The following DLL1 variants were observed in gnomAD, a reference collection of about 807,000 sequenced individuals.
DLL1 encodes the protein delta like canonical Notch ligand 1, also known as delta-like protein 1.
In DLL1, 9 loss-of-function variants were observed where a neutral mutation model predicts 75.1. The ratio of observed to expected loss-of-function variants is 0.12; its 90% CI spans 0.07 to 0.21. DLL1 has a LOEUF of 0.21. Among genes scored for constraint, DLL1 ranks in the 10% least tolerant of loss-of-function variants. The probability of loss-of-function intolerance (pLI) is 1.00; values close to 1 mark genes in which losing one functional copy is unlikely to be tolerated. For synonymous variants in DLL1, 477 were observed against 418.3 expected, an observed-to-expected ratio of 1.14 and a Z score of -1.71; for missense variants, 837 against 1,007.6, an observed-to-expected ratio of 0.83 and a Z score of 2.29.
In DLL1 at chr6:170,285,056, G is replaced by T; in HGVS notation, c.1112C>A (p.Ala371Glu). Reference sequence around the variant, plus strand: ...ACCCCCGTTAAAGCAAGGGCCGTCCGCACAGGTCATGGCACTCAATTCACA... The same window carrying T: ...ACCCCCGTTAAAGCAAGGGCCGTCCTCACAGGTCATGGCACTCAATTCACA... ...KICELSAMTCADGPCFNGGRC... is the reference protein window; with the variant it reads ...KICELSAMTCEDGPCFNGGRC... The change falls in exon 8 of 11, where the codon GCG becomes GAG. Residue 371 changes from alanine (A) to glutamate (E), a missense_variant. By Grantham distance (107) the Ala-to-Glu change is moderately radical (BLOSUM62 -1). Around this residue, in one of 2 missense-constraint regions of DLL1, gnomAD observed 533 missense variants for 545.7 expected, o/e 0.98. Coordinates refer to ENST00000366756, the MANE Select transcript of DLL1 (RefSeq NM_005618.4). 6.2e-7 allele frequency: 1 copy of T among 1,614,120 alleles called. No homozygotes were observed. The highest frequency in any genetic ancestry group is 8.5e-7 in the Non-Finnish European group (1 of 1,180,028).
In DLL1 at chr6:170,282,875, T is replaced by G; in HGVS notation, c.2171A>C (p.Ter724SerextTer14). Residue 724 changes from the stop codon to serine (S), a stop_lost, in exon 11 of 11, where the codon TAA (stop) becomes TCA (serine). Transcript: ENST00000366756. ...KDECVIATEV[*>S] Reference sequence around the variant, plus strand: ...GAGTCTTGCCATCTCACTTCCATTTTACACCTGGGGGGCCACAAGACAAAT... The same window carrying G: ...GAGTCTTGCCATCTCACTTCCATTTGACACCTGGGGGGCCACAAGACAAAT... 1 of 1,614,202 alleles carries G rather than the reference T, an allele frequency of 6.2e-7. No homozygotes were observed. Among genetic ancestry groups the G allele is most frequent in the Non-Finnish European group, 8.5e-7 (1 of 1,180,046 alleles).
chr6:170,284,896 G>A, intron 8 of DLL1, 23 bp downstream of exon 8: 1 of 1,611,378 alleles, frequency 6.2e-7, no homozygotes, highest in Non-Finnish European at 8.5e-7. Flanking sequence ...GAGTCTCTGA[G>A]CAATCACCAG....
At chr6:170,286,383 G>C (rs879033582) in intron 4 of DLL1, 85 bp from the exon 5 acceptor site, 1 of 1,530,822 alleles carries the variant, frequency 6.5e-7, no homozygotes, top group Non-Finnish European at 9.0e-7. Context: ...GACACAACTC[G>C]CCGGCTTCAG....
chr6:170,283,470 T>C lies in DLL1; in HGVS notation c.1809A>G (p.Ser603=). The C allele has an allele frequency of 6.2e-7, 1 of 1,613,172 alleles. No homozygotes were observed. The highest frequency in any genetic ancestry group is 8.5e-7 in the Non-Finnish European group (1 of 1,180,032). Residue 603 remains serine (S), a synonymous_variant, in exon 9 of 11, where the codon TCA becomes TCG. Transcript: ENST00000366756. ...LANCQREKDI[S]VSIIGATQIK... is the part of the protein sequence containing the mutation. ...TCTGCGTGGCCCCGATGATGCTGAC[T>C]GAGATGTCCTTCTCACGCTGGCAGT...
At position 170,289,563 on chromosome 6, in the gene DLL1, G is replaced by T; in HGVS notation, c.300C>A (p.Ala100=). The change falls in exon 2 of 11, where the codon GCC becomes GCA. Residue 100 remains alanine, a synonymous_variant. Coordinates refer to ENST00000366756, the MANE Select transcript of DLL1 (RefSeq NM_005618.4). The part of the protein sequence containing the change: ...DSFSLPDGGG[A]DSAFSNPIRF... ...GGATGGGGTTGCTGAACGCGGAGTC[G>T]GCGCCCCCGCCGTCGGGCAGACTGA... is the stretch of plus-strand genomic sequence containing the variant. 1.3e-6 allele frequency: 2 copies of T among 1,535,228 alleles called. No individual in the cohort carries two copies. Among genetic ancestry groups the T allele is most frequent in the African/African-American group, 1.4e-5 (1 of 73,108 alleles).
chr6:170,284,085 A>C lies in DLL1; in HGVS notation c.1250-56T>G, dbSNP rs562452113. 146 of 1,533,230 alleles carry C rather than the reference A, an allele frequency of 9.5e-5. 3 individuals are homozygous for C. The South Asian group carries it at 1.4e-3, about 14-fold the overall frequency. 95.0% of individuals were successfully genotyped at this position (1,533,230 alleles called of 1,614,324 possible). A position where few individuals can be genotyped will look rare whatever the true frequency, so the allele number is the denominator to read the frequency against. On this transcript the variant is annotated intron_variant, in intron 8 of 10. Coordinates refer to ENST00000366756, the MANE Select transcript of DLL1 (RefSeq NM_005618.4). The stretch of plus-strand genomic sequence containing the variant: ...CTCCTCGTAGGTTTGTTCACCAAAA[A>C]GTCACTCTGAAGCATCTATCTGTCT...
At chr6:170,288,661 G>T in intron 3 of DLL1, 68 bp downstream of exon 3, 1 of 1,609,986 alleles carries the variant, frequency 6.2e-7, no homozygotes, top group South Asian at 1.1e-5. Context: ...TTGGCTGGGG[G>T]ATGGGTGGGC....
Position 170,290,656 on chromosome 6 carries a change from C to A in DLL1, c.-517G>T. On this transcript the variant is annotated 5_prime_UTR_variant, in exon 1 of 11. Transcript: ENST00000366756. The surrounding 1 kb of genome is among the most constrained non-coding windows in gnomAD (Gnocchi z 4.7). ...CAGCGGCGCGCGCTGAGGGGACGGT[C>A]GGCGGCGGCGGGTGTGCGCGGCGGC... 2 of 276,880 alleles carry A rather than the reference C, an allele frequency of 7.2e-6. No individual in the cohort carries two copies. The highest frequency in any genetic ancestry group is 9.8e-5 in the South Asian group (2 of 20,378). The allele number at this position is 276,880 out of a possible 1,614,324, so 17.2% of individuals were successfully genotyped here. A position where few individuals can be genotyped will look rare whatever the true frequency, so the allele number is the denominator to read the frequency against.
In DLL1 at chr6:170,285,145, G is replaced by A; in HGVS notation, c.1033-10C>T. Reference sequence around the variant, plus strand: ...AGCTGTTCTCGAGATCCTACACGATGGAGAGGTCAGAAAAGGCTTTCCAAA... The same window carrying A: ...AGCTGTTCTCGAGATCCTACACGATAGAGAGGTCAGAAAAGGCTTTCCAAA... On this transcript the variant is annotated splice_polypyrimidine_tract_variant and intron_variant, in intron 7 of 10. Transcript: ENST00000366756. 2 of 1,613,924 alleles carry A rather than the reference G, an allele frequency of 1.2e-6. No individual in the cohort carries two copies. The highest frequency in any genetic ancestry group is 1.7e-6 in the Non-Finnish European group (2 of 1,180,016).
In DLL1 at chr6:170,291,065, G is replaced by T; in HGVS notation, c.-926C>A. ...TTCCAAACCCTCCTCTCAATGGATC[G>T]CCAAATGGTCAGTGAGCTGTAAAAT... On this transcript the variant is annotated 5_prime_UTR_variant, in exon 1 of 11. Coordinates refer to ENST00000366756, the MANE Select transcript of DLL1 (RefSeq NM_005618.4). 2 of 701,566 alleles carry T rather than the reference G, an allele frequency of 2.9e-6. No homozygotes were observed. The highest frequency in any genetic ancestry group is 5.2e-6 in the Non-Finnish European group (2 of 384,518). The allele number at this position is 701,566 out of a possible 1,614,324, so 43.5% of individuals were successfully genotyped here.
In DLL1 at chr6:170,284,930, G is replaced by A; in HGVS notation, c.1238C>T (p.Pro413Leu). The A allele has an allele frequency of 1.2e-6, 2 of 1,613,894 alleles. No homozygotes were observed. Among genetic ancestry groups the A allele is most frequent in the Non-Finnish European group, 1.7e-6 (2 of 1,180,010 alleles). Reference sequence around the variant, plus strand: ...AGCTGCCCCCTTACCATTAGAACAGGGTGAAGAGCTGCAGTAGTCAATTTT... The same window carrying A: ...AGCTGCCCCCTTACCATTAGAACAGAGTGAAGAGCTGCAGTAGTCAATTTT... ...EKKIDYCSSS[P>L]CSNGAKCVDL... is the part of the protein sequence containing the mutation. Residue 413 changes from proline (P) to leucine (L), a missense_variant, in exon 8 of 11, where the codon CCC (proline) becomes CTC (leucine). Around this residue, in one of 2 missense-constraint regions of DLL1, gnomAD observed 533 missense variants for 545.7 expected, o/e 0.98. Transcript: ENST00000366756.
intron 2 of DLL1, 33 bp from the exon 3 acceptor site, chr6:170,288,822 C>G (rs774746126): frequency 6.2e-7 from 1 of 1,612,940 alleles, no homozygotes; most frequent in African/African-American, 1.3e-5. Flanking sequence ...TTAGACAACC[C>G]AGAAAGGTAA....
Position 170,291,004 on chromosome 6 carries a change from C to G in DLL1, c.-865G>C, listed in dbSNP as rs1783853816. On this transcript the variant is annotated 5_prime_UTR_variant, in exon 1 of 11. Transcript: ENST00000366756. Reference sequence around the variant, plus strand: ...CTAATGAGATGCAAATCAGCAGCCCCCCAATCTGGCGAGAGCTGTCACAAA... The same window carrying G: ...CTAATGAGATGCAAATCAGCAGCCCGCCAATCTGGCGAGAGCTGTCACAAA... The G allele has an allele frequency of 1.4e-6, 1 of 701,876 alleles. No individual in the cohort carries two copies. Among genetic ancestry groups the G allele is most frequent in the Admixed American group, 2.0e-5 (1 of 49,980 alleles). The allele number at this position is 701,876 out of a possible 1,614,324, so 43.5% of individuals were successfully genotyped here. A position where few individuals can be genotyped will look rare whatever the true frequency, so the allele number is the denominator to read the frequency against.
rs1783662830 is a variant in DLL1 at position 170,284,992 on chromosome 6, G to A, written c.1176C>T (p.Arg392=). 4 of 1,614,188 alleles carry A rather than the reference G, an allele frequency of 2.5e-6. No homozygotes were observed. Among genetic ancestry groups the A allele is most frequent in the Non-Finnish European group, 3.4e-6 (4 of 1,180,044 alleles). The part of the protein sequence containing the change: ...SDSPDGGYSC[R]CPVGYSGFNC... ...TGAAGCCGGAGTAGCCCACGGGGCA[G>A]CGGCAGCTGTACCCTCCATCGGGGC... is the stretch of plus-strand genomic sequence containing the variant. Residue 392 remains arginine (R), a synonymous_variant, in exon 8 of 11, where the codon CGC becomes CGT. Coordinates refer to ENST00000366756, the MANE Select transcript of DLL1 (RefSeq NM_005618.4).
In DLL1 at chr6:170,288,492, G is replaced by A. The variant is rs1304792271; in HGVS notation, c.417C>T (p.Asn139=). The A allele has an allele frequency of 6.2e-6, 10 of 1,614,120 alleles. No individual in the cohort carries two copies. The highest frequency in any genetic ancestry group is 7.6e-6 in the Non-Finnish European group (9 of 1,180,052). ...CCAGGCGGCTGATGAGTCTTTCTGG[G>A]TTTTCTACGGGGAGAAGATGCTCCT... ...TDSPDDLATE[N]PERLISRLAT... The change falls in exon 4 of 11, where the codon AAC becomes AAT. Residue 139 remains asparagine, a synonymous_variant. Transcript: ENST00000366756.
rs902217795 is a variant in DLL1, at chr6:170,290,813, C to A, written c.-674G>T. On this transcript the variant is annotated 5_prime_UTR_variant, in exon 1 of 11. Coordinates refer to ENST00000366756, the MANE Select transcript of DLL1 (RefSeq NM_005618.4). The surrounding 1 kb of genome is among the most constrained non-coding windows in gnomAD (Gnocchi z 4.7). The stretch of plus-strand genomic sequence containing the variant: ...TCCAGCCAATGCCATCCAGTACACA[C>A]GCGCAGGACCGGAGGGGCCGGGCCG... 1.8e-5 allele frequency: 11 copies of A among 603,954 alleles called. No individual in the cohort carries two copies. The highest frequency in any genetic ancestry group is 2.9e-5 in the Non-Finnish European group (10 of 339,540). 37.4% of individuals were successfully genotyped at this position (603,954 alleles called of 1,614,324 possible).
intron 2 of DLL1, 69 bp downstream of exon 2, chr6:170,289,443 G>A (rs1033139121): frequency 1.7e-5 from 26 of 1,520,136 alleles, no homozygotes; most frequent in Non-Finnish European, 2.3e-5. Context: ...GCCCAAGGCG[G>A]GATCCCAGCG....
Position 170,282,858 on chromosome 6 carries a change from C to G in DLL1, c.*16G>C. On this transcript the variant is annotated 3_prime_UTR_variant, in exon 11 of 11. Coordinates refer to ENST00000366756, the MANE Select transcript of DLL1 (RefSeq NM_005618.4). ...TATTTTAAGAGAAACGGGAGTCTTGCCATCTCACTTCCATTTTACACCTGG... is the reference window on the plus strand; with the variant it reads ...TATTTTAAGAGAAACGGGAGTCTTGGCATCTCACTTCCATTTTACACCTGG... The G allele has an allele frequency of 6.2e-7, 1 of 1,614,162 alleles. No homozygotes were observed. Among genetic ancestry groups the G allele is most frequent in the Non-Finnish European group, 8.5e-7 (1 of 1,180,040 alleles).
chr6:170,289,400 C>A, intron 2 of DLL1, 112 bp downstream of exon 2: 1 of 1,463,482 alleles, frequency 6.8e-7, no homozygotes, highest in Non-Finnish European at 9.1e-7. Flanking sequence ...CCCACCTGCG[C>A]CTCGCGGGGT....
Sources: allele counts gnomAD v4.1 joint callset, GRCh38; gene constraint gnomAD v4.1.1; regional missense constraint gnomAD v4.1.1; non-coding constraint Gnocchi (gnomAD v3.1); transcripts MANE v1.5; gene names NCBI Gene and HGNC (gene_info 2026-07-23, HGNC 2026-07-21).